Variants in GALNTL6 observed in about 807,000 individuals in gnomAD.
GALNTL6 encodes polypeptide N-acetylgalactosaminyltransferase like 6, also known as polypeptide N-acetylgalactosaminyltransferase-like 6.
GALNTL6 carries 46 observed loss-of-function variants against 73.7 expected under a neutral mutation model. The ratio of observed to expected loss-of-function variants is 0.62; its 90% CI spans 0.49 to 0.80. The LOEUF is 0.80. Among genes scored for constraint, GALNTL6 ranks in the 30% least tolerant of loss-of-function variants. The pLI is 0.00. For synonymous variants in GALNTL6, 259 were observed against 263.7 expected (o/e 0.98, Z 0.17); for missense variants, 604 against 755.0 (o/e 0.80, Z 2.34).
intron 7 of GALNTL6, among the ~76,000 whole-genome samples, chr4:172,864,014 A>T (rs1166235148): frequency 6.6e-6 from 1 of 152,118 alleles, no homozygotes; most frequent in African/African-American, 2.4e-5. Flanking sequence ...GATGCACACA[A>T]TTCCCCTGCA....
chr4:172,131,673 T>C (rs1436207592), intron 2 of GALNTL6, among the ~76,000 whole-genome samples: 1 of 151,838 alleles, frequency 6.6e-6, no homozygotes, highest in East Asian at 1.9e-4. Flanking sequence ...TCAGATTTCA[T>C]CTAGGTAGCA....
At chr4:172,924,862 T>A (rs1179651194) in intron 8 of GALNTL6, among the ~76,000 whole-genome samples, 1 of 151,988 alleles carries the variant, frequency 6.6e-6, no homozygotes, top group African/African-American at 2.4e-5. Flanking sequence ...CAGATTTATG[T>A]TTTTTACTGT....
chr4:172,817,061 T>G (rs1235407671), intron 7 of GALNTL6, among the ~76,000 whole-genome samples: 3 of 149,706 alleles, frequency 2.0e-5, no homozygotes, highest in Admixed American at 6.7e-5. Flanking sequence ...TGAGCAGAGA[T>G]TGCACCACTG....
chr4:172,447,916 T>C (rs1009245830), intron 5 of GALNTL6, among the ~76,000 whole-genome samples: 1 of 152,144 alleles, frequency 6.6e-6, no homozygotes, highest in Admixed American at 6.5e-5. Flanking sequence ...AAAAGTTCAA[T>C]TGCAAGTAAG....
intron 5 of GALNTL6, among the ~76,000 whole-genome samples, chr4:172,712,252 AAGTTATTTTC>A (rs1187415709): frequency 1.3e-5 from 2 of 152,150 alleles, no homozygotes. Context: ...AATGTACTAT[AAGTTATTTTC>A]AGGAGCTTAG....
At chr4:172,456,676 A>G (rs1732411063) in intron 5 of GALNTL6, among the ~76,000 whole-genome samples, 2 of 151,852 alleles carry the variant, frequency 1.3e-5, no homozygotes, top group Admixed American at 6.6e-5. Flanking sequence ...CGAACAAACA[A>G]AGCCTCCAAG....
At chr4:172,708,951 A>G (rs1487120166) in intron 5 of GALNTL6, among the ~76,000 whole-genome samples, 1 of 152,092 alleles carries the variant, frequency 6.6e-6, no homozygotes, top group Non-Finnish European at 1.5e-5. Context: ...AAGGCATTTT[A>G]TCTTTTTCTG....
Position 172,193,818 on chromosome 4 carries a change from G to A in GALNTL6, c.139-35838G>A, listed in dbSNP as rs982253324. On this transcript the variant is annotated intron_variant, in intron 2 of 12. Transcript: ENST00000506823. ...GCGGAACTTGCAGTGAGCTGAGATCGGGCCACTCACTCCAGCCTGGGTGAC... is the reference window on the plus strand; with the variant it reads ...GCGGAACTTGCAGTGAGCTGAGATCAGGCCACTCACTCCAGCCTGGGTGAC... 3.3e-5 allele frequency among the ~76,000 whole-genome samples: 5 copies of A among 152,038 alleles called. No homozygotes were observed. The South Asian group carries it at 8.3e-4, about 25-fold the overall frequency.
intron 2 of GALNTL6, among the ~76,000 whole-genome samples, chr4:172,205,477 G>A (rs1190515978): frequency 2.6e-5 from 4 of 152,106 alleles, no homozygotes; most frequent in Non-Finnish European, 4.4e-5. Context: ...AGGCCAATCC[G>A]GACCACACAG....
chr4:172,557,201 G>A (rs1225385267), intron 5 of GALNTL6, among the ~76,000 whole-genome samples: 1 of 152,128 alleles, frequency 6.6e-6, no homozygotes, highest in Non-Finnish European at 1.5e-5. Flanking sequence ...AGCAATGTGA[G>A]ACATCAGGCA....
chr4:172,469,847 G>A lies in GALNTL6; in HGVS notation c.553+121158G>A, dbSNP rs116170503. On this transcript the variant is annotated intron_variant, in intron 5 of 12. Coordinates refer to ENST00000506823, the MANE Select transcript of GALNTL6 (RefSeq NM_001034845.3). ...TTTGATCCTGATTTTACATTGTACA[G>A]CAGTGATATGAATAAATGGTAGATT... 8.0e-3 allele frequency among the ~76,000 whole-genome samples: 1,215 copies of A among 152,230 alleles called. 11 individuals are homozygous for A. Among genetic ancestry groups the A allele is most frequent in the African/African-American group, 0.028 (1,149 of 41,530 alleles).
chr4:172,776,271 C>T (rs1437694997), intron 5 of GALNTL6, among the ~76,000 whole-genome samples: 3 of 152,198 alleles, frequency 2.0e-5, no homozygotes, highest in Non-Finnish European at 4.4e-5. Flanking sequence ...TGGTGTTTTT[C>T]ACTCCTCTGC....
chr4:172,481,263 C>T (rs546719990), intron 5 of GALNTL6, among the ~76,000 whole-genome samples: 13 of 150,818 alleles, frequency 8.6e-5, no homozygotes, highest in East Asian at 5.9e-4. Context: ...TCATTCCTCC[C>T]GGTGGGTTTG....
intron 5 of GALNTL6, among the ~76,000 whole-genome samples, chr4:172,645,874 G>A (rs1462007180): frequency 6.6e-6 from 1 of 151,898 alleles, no homozygotes; most frequent in Non-Finnish European, 1.5e-5. Context: ...ATCAAGGCCT[G>A]TTTGTTTAGA....
chr4:171,847,096 C>T (rs1250477899), intron 2 of GALNTL6, among the ~76,000 whole-genome samples: 1 of 151,552 alleles, frequency 6.6e-6, no homozygotes, highest in Non-Finnish European at 1.5e-5. Flanking sequence ...TCAGCATTTA[C>T]AGAAACTTTG....
chr4:172,610,814 G>T (rs536262691), intron 5 of GALNTL6, among the ~76,000 whole-genome samples: 82 of 152,220 alleles, frequency 5.4e-4, no homozygotes, highest in African/African-American at 1.9e-3. Flanking sequence ...TATTGTGTGG[G>T]AGTCTAAGGC....
At chr4:172,983,922 G>T (rs1468431928) in intron 10 of GALNTL6, among the ~76,000 whole-genome samples, 4 of 149,928 alleles carry the variant, frequency 2.7e-5, no homozygotes, top group Non-Finnish European at 4.4e-5. Context: ...TCTCCCGGTT[G>T]ATTTTTTTTT....
chr4:172,688,510 C>G (rs942361926), intron 5 of GALNTL6, among the ~76,000 whole-genome samples: 2 of 152,200 alleles, frequency 1.3e-5, no homozygotes, highest in African/African-American at 4.8e-5. Context: ...TAAAAATTCA[C>G]CTTCTGAACA....
chr4:172,195,671 C>A lies in GALNTL6; in HGVS notation c.139-33985C>A, dbSNP rs532592406. On this transcript the variant is annotated intron_variant, in intron 2 of 12. Transcript: ENST00000506823. Reference sequence around the variant, plus strand: ...ACCCAACTACATGGAAACTGAGCAACCTGCTCCTGAATGACTCTTGGGTGA... The same window carrying A: ...ACCCAACTACATGGAAACTGAGCAAACTGCTCCTGAATGACTCTTGGGTGA... Among the ~76,000 whole-genome samples, 3 of 152,310 alleles carry A rather than the reference C, an allele frequency of 2.0e-5. No individual in the cohort carries two copies. The South Asian group carries it at 6.2e-4, about 32-fold the overall frequency.
Sources: gnomAD v4.1 joint callset for allele counts (sites outside exome capture counted in the v4.1 genomes callset) on GRCh38, gnomAD v4.1.1 for gene constraint, MANE v1.5 for transcripts, NCBI Gene and HGNC (gene_info 2026-07-23, HGNC 2026-07-21) for gene names.